WDR87: variants seen among roughly 807,000 people sequenced by gnomAD.
The protein encoded by WDR87 is WD repeat domain 87.
Under a neutral mutation model 83.3 loss-of-function variants are expected in WDR87, and 56 were observed. That is an observed-to-expected ratio of 0.67 (90% CI 0.54 to 0.84). The LOEUF (loss-of-function observed/expected upper bound fraction) is 0.84, where lower values mean the gene tolerates loss of function less well. Among genes scored for constraint, WDR87 ranks in the 40% least tolerant of loss-of-function variants. The probability of loss-of-function intolerance (pLI) is 0.00; values close to 1 mark genes in which losing one functional copy is unlikely to be tolerated. For synonymous variants in WDR87, 1,173 were observed against 1,250.6 expected (o/e 0.94, Z 1.31); for missense variants, 2,939 against 3,431.9 (o/e 0.86, Z 3.59).
At chr19:37,896,109 G>A in intron 3 of WDR87, 29 bp downstream of exon 3, 1 of 1,551,380 alleles carries the variant, frequency 6.4e-7, no homozygotes, top group Non-Finnish European at 8.7e-7. Context: ...TGGAGAATGG[G>A]CCAAGAAGGG....
In WDR87 at chr19:37,893,636, C is replaced by T. The variant is rs1162802013; in HGVS notation, c.2067G>A (p.Met689Ile). ...CTTCCAGTACTTCATCTGATATGCT[C>T]ATAAAGGAAAGGCGAGTCAGCAGGG... Reference protein sequence around the residue: ...PPALLTRLSFMSISDEVLEVP... With the variant: ...PPALLTRLSFISISDEVLEVP... The change falls in exon 4 of 6, where the codon ATG becomes ATA. Residue 689 changes from methionine (M) to isoleucine (I), a missense_variant. Around this residue, in one of 3 missense-constraint regions of WDR87, gnomAD observed 553 missense variants for 577.9 expected, o/e 0.96. Coordinates refer to ENST00000447313, the MANE Select transcript of WDR87 (RefSeq NM_001291088.2). 6.4e-7 allele frequency: 1 copy of T among 1,552,110 alleles called. No individual in the cohort carries two copies. Among genetic ancestry groups the T allele is most frequent in the South Asian group, 1.2e-5 (1 of 84,040 alleles).
In WDR87 at chr19:37,886,744, CTTCCT is replaced by C. The variant is rs1274310293; in HGVS notation, c.6922_6926del (p.Arg2308GlyfsTer37). 2.4e-5 allele frequency: 35 copies of C among 1,461,566 alleles called. No homozygotes were observed. The highest frequency in any genetic ancestry group is 1.0e-4 in the East Asian group (4 of 39,970). The allele number at this position is 1,461,566 out of a possible 1,614,324, so 90.5% of individuals were successfully genotyped here. A position where few individuals can be genotyped will look rare whatever the true frequency, so the allele number is the denominator to read the frequency against. ...GCTTCTCCTCCCCTTCCTCCTCCTC[CTTCCT>C]TTCCTCCTCCTCCTCCCTTTCCTCC... On this transcript the variant is annotated frameshift_variant, in exon 6 of 6. Transcript: ENST00000447313. LOFTEE classifies it low-confidence loss of function (END_TRUNC).
intron 5 of WDR87, among the ~76,000 whole-genome samples, chr19:37,891,164 CTCTTT>C (rs1303881012): frequency 2.8e-5 from 2 of 72,648 alleles, no homozygotes; most frequent in Non-Finnish European, 4.8e-5. Flanking sequence ...CCTGGTATCT[CTCTTT>C]TTTTTTTTTT....
chr19:37,905,763 C>T (rs1431021956), intron 1 of WDR87, among the ~76,000 whole-genome samples: 3 of 151,852 alleles, frequency 2.0e-5, no homozygotes, highest in South Asian at 2.1e-4. Context: ...CTATGTTACC[C>T]GGCCAGTCTC....
At position 37,887,035 on chromosome 19, in the gene WDR87, T is replaced by C; in HGVS notation, c.6636A>G (p.Glu2212=). The change falls in exon 6 of 6, where the codon GAA becomes GAG. Residue 2212 remains glutamate (E), a synonymous_variant. Transcript: ENST00000447313. ...EESKLARKHS[E]VILDDEEEGG... ...CTTCCTCTTCATCATCCAGTATGAC[T>C]TCTGAATGCTTTCTGGCCAATTTGC... 6.4e-7 allele frequency: 1 copy of C among 1,552,056 alleles called. No homozygotes were observed. Among genetic ancestry groups the C allele is most frequent in the Non-Finnish European group, 8.7e-7 (1 of 1,147,104 alleles).
At chr19:37,895,766 CAAAAA>C (rs36107860) in intron 3 of WDR87, among the ~76,000 whole-genome samples, 5 of 84,282 alleles carry the variant, frequency 5.9e-5, no homozygotes, top group African/African-American at 4.9e-5. Flanking sequence ...GACTCTGTCT[CAAAAA>C]AAAAAAAAAA....
In WDR87 at chr19:37,892,597, CTT is replaced by C. The variant is rs1179758203; in HGVS notation, c.3104_3105del (p.Gln1035ArgfsTer40). 13 of 1,496,484 alleles carry C rather than the reference CTT, an allele frequency of 8.7e-6. No individual in the cohort carries two copies. In the Admixed American group the frequency reaches 1.6e-4, roughly 19 times the overall value. 92.7% of individuals were successfully genotyped at this position (1,496,484 alleles called of 1,614,324 possible). A position where few individuals can be genotyped will look rare whatever the true frequency, so the allele number is the denominator to read the frequency against. ...RTSLLQLTQK[Q>X]ETFREMQQQM... The stretch of plus-strand genomic sequence containing the variant: ...ACTTACTGCATCTCCCGAAAAGTCT[CTT>C]GTTTTTGGGTCAGCTGTAAGAGTGA... On this transcript the variant is annotated frameshift_variant, in exon 4 of 6. Coordinates refer to ENST00000447313, the MANE Select transcript of WDR87 (RefSeq NM_001291088.2). LOFTEE classifies it high-confidence loss of function.
intron 1 of WDR87, among the ~76,000 whole-genome samples, chr19:37,905,147 A>G (rs2046316368): frequency 6.6e-6 from 1 of 151,002 alleles, no homozygotes; most frequent in African/African-American, 2.4e-5. Flanking sequence ...CAGGAGAGTC[A>G]CTTGAACCAG....
intron 3 of WDR87, 55 bp downstream of exon 3, chr19:37,896,083 A>G: frequency 6.5e-7 from 1 of 1,543,550 alleles, no homozygotes; most frequent in Non-Finnish European, 8.8e-7. Flanking sequence ...GCTAACAGTT[A>G]TATGGGCATG....
rs75804508 is a variant in WDR87, at chr19:37,895,799, C to T, written c.246+339G>A. ...AAAAAAAAAAAAAAAGATGAAACTG[C>T]CTAGAGCTGATGGTAGGGCAGAATA... On this transcript the variant is annotated intron_variant, in intron 3 of 5. Transcript: ENST00000447313. 2.0e-5 allele frequency among the ~76,000 whole-genome samples: 3 copies of T among 149,232 alleles called. No individual in the cohort carries two copies. In the East Asian group the frequency reaches 5.9e-4, roughly 30 times the overall value.
At position 37,894,196 on chromosome 19, in the gene WDR87, A is replaced by G. The variant is rs2046233338; in HGVS notation, c.1507T>C (p.Phe503Leu). 6.4e-7 allele frequency: 1 copy of G among 1,552,250 alleles called. No homozygotes were observed. Among genetic ancestry groups the G allele is most frequent in the Non-Finnish European group, 8.7e-7 (1 of 1,147,136 alleles). ...SCARLEKFMH[F>L]GAVLALSTLS... ...GTGGAGAGTGCCAGTACAGCGCCAA[A>G]GTGCATGAATTTTTCTAATCGAGCA... Residue 503 changes from phenylalanine (F) to leucine (L), a missense_variant, in exon 4 of 6, where the codon TTT becomes CTT. Transcript: ENST00000447313.
rs2145432310 is a variant in WDR87, at chr19:37,894,308, C to G, written c.1395G>C (p.Gly465=). 1 of 1,551,730 alleles carries G rather than the reference C, an allele frequency of 6.4e-7. No individual in the cohort carries two copies. The highest frequency in any genetic ancestry group is 8.7e-7 in the Non-Finnish European group (1 of 1,147,014). The stretch of plus-strand genomic sequence containing the variant: ...CTAGACCCCGCCCCAAGTTGAAATG[C>G]CCATAAGCCAGGCATTGTACAAAGT... ...SQDFVQCLAY[G]HFNLGRGLEG... The change falls in exon 4 of 6, where the codon GGG becomes GGC. Residue 465 remains glycine (G), a synonymous_variant. Transcript: ENST00000447313.
At position 37,887,068 on chromosome 19, in the gene WDR87, C is replaced by T; in HGVS notation, c.6603G>A (p.Glu2201=). The change falls in exon 6 of 6, where the codon GAG becomes GAA. Residue 2201 remains glutamate (E), a synonymous_variant. Coordinates refer to ENST00000447313, the MANE Select transcript of WDR87 (RefSeq NM_001291088.2). ...RMINKEEKMT[E]EESKLARKHS... ...GCTTTCTGGCCAATTTGCTCTCTTC[C>T]TCAGTCATTTTTTCTTCTTTGTTTA... 6.4e-7 allele frequency: 1 copy of T among 1,550,798 alleles called. No homozygotes were observed. The highest frequency in any genetic ancestry group is 1.2e-5 in the South Asian group (1 of 83,708).
In WDR87 at chr19:37,895,256, G is replaced by A. The variant is rs1187829626; in HGVS notation, c.447C>T (p.Arg149=). 3.2e-6 allele frequency: 5 copies of A among 1,551,612 alleles called. No individual in the cohort carries two copies. Among genetic ancestry groups the A allele is most frequent in the Non-Finnish European group, 4.4e-6 (5 of 1,147,012 alleles). The change falls in exon 4 of 6, where the codon CGC becomes CGT. Residue 149 remains arginine, a synonymous_variant. Coordinates refer to ENST00000447313, the MANE Select transcript of WDR87 (RefSeq NM_001291088.2). ...CATAGCAGAGGCAGCTGATGTTGAA[G>A]CGGCAGGGCACTTTACCCAGGGGTT... ...AFKPLGKVPC[R]FNISCLCYDP...
In WDR87 at chr19:37,889,110, T is replaced by G; in HGVS notation, c.4561A>C (p.Lys1521Gln). The change falls in exon 6 of 6, where the codon AAG becomes CAG. Residue 1521 changes from lysine (K) to glutamine (Q), a missense_variant. This residue lies in a region of WDR87 where 2,160 missense variants were observed against 2,533.1 expected (regional missense o/e 0.85). Transcript: ENST00000447313. ...GETRKSWKAWKEEWEKRLLQE... is the reference protein window; with the variant it reads ...GETRKSWKAWQEEWEKRLLQE... ...AGAAGCCTCTTCTCCCATTCTTCCTTCCATGCCTTCCAGGATTTCCTTGTC... is the reference window on the plus strand; with the variant it reads ...AGAAGCCTCTTCTCCCATTCTTCCTGCCATGCCTTCCAGGATTTCCTTGTC... The G allele has an allele frequency of 6.4e-7, 1 of 1,552,272 alleles. No individual in the cohort carries two copies. Among genetic ancestry groups the G allele is most frequent in the Non-Finnish European group, 8.7e-7 (1 of 1,147,124 alleles).
chr19:37,895,960 G>T, intron 3 of WDR87, 178 bp downstream of exon 3: 1 of 847,162 alleles, frequency 1.2e-6, no homozygotes, highest in South Asian at 2.0e-5. Flanking sequence ...TTTACTTCGG[G>T]GGAACCATAC....
chr19:37,887,807 A>G lies in WDR87; in HGVS notation c.5864T>C (p.Leu1955Ser). 6.4e-7 allele frequency: 1 copy of G among 1,550,900 alleles called. No individual in the cohort carries two copies. The highest frequency in any genetic ancestry group is 1.4e-5 in the African/African-American group (1 of 72,968). ...KEKLAETEKK[L>S]VQVEDSLAKK... ...GGCCAAACTATCCTCTACTTGGACC[A>G]ATTTTTTCTCTGTTTCAGCCAGTTT... Residue 1955 changes from leucine to serine, a missense_variant, in exon 6 of 6, where the codon TTG becomes TCG. This residue lies in a region of WDR87 where 2,160 missense variants were observed against 2,533.1 expected (regional missense o/e 0.85). Transcript: ENST00000447313.
rs1263106635 is a variant in WDR87, at chr19:37,895,394, A to G, written c.309T>C (p.Thr103=). ...TGGACTGGATGGGTGGCAATCGTTC[A>G]GTCATGGAGAATGTTCTTTTCTCAA... The part of the protein sequence containing the change: ...DMVEKRTFSM[T]ERLPPIQSMV... The change falls in exon 4 of 6, where the codon ACT becomes ACC. Residue 103 remains threonine, a synonymous_variant. Coordinates refer to ENST00000447313, the MANE Select transcript of WDR87 (RefSeq NM_001291088.2). The G allele has an allele frequency of 3.2e-6, 5 of 1,551,744 alleles. No homozygotes were observed. Among genetic ancestry groups the G allele is most frequent in the Non-Finnish European group, 2.6e-6 (3 of 1,147,002 alleles).
At chr19:37,890,895 C>T (rs540039209) in intron 5 of WDR87, among the ~76,000 whole-genome samples, 1 of 152,256 alleles carries the variant, frequency 6.6e-6, no homozygotes, top group East Asian at 1.9e-4. Context: ...TTTTTTATCA[C>T]AGTAGTATTT....
Sources: gnomAD v4.1 joint callset for allele counts (sites outside exome capture counted in the v4.1 genomes callset) on GRCh38, gnomAD v4.1.1 for gene constraint, gnomAD v4.1.1 regional missense constraint, MANE v1.5 for transcripts, NCBI Gene and HGNC (gene_info 2026-07-23, HGNC 2026-07-21) for gene names.